The following SDHC variants were observed in gnomAD, a reference collection of about 807,000 sequenced individuals.
SDHC encodes the protein succinate dehydrogenase complex subunit C.
In SDHC, 11 loss-of-function variants were observed where a neutral mutation model predicts 22.6. That is an observed-to-expected ratio of 0.49 (90% CI 0.31 to 0.81). The LOEUF (loss-of-function observed/expected upper bound fraction) is 0.81, where lower values mean the gene tolerates loss of function less well. Among genes scored for constraint, SDHC ranks in the 30% least tolerant of loss-of-function variants. The pLI is 0.05. For missense variants in SDHC, 160 were observed against 212.0 expected, an observed-to-expected ratio of 0.75 and a Z score of 1.52; for synonymous variants, 80 against 77.8, an observed-to-expected ratio of 1.03 and a Z score of -0.15.
intron 1 of SDHC, among the ~76,000 whole-genome samples, chr1:161,317,358 AT>A (rs1670655627): frequency 6.6e-6 from 1 of 151,884 alleles, no homozygotes; most frequent in Non-Finnish European, 1.5e-5. Context: ...AACTTAAAAA[AT>A]TTTTTTATTT....
intron 3 of SDHC, among the ~76,000 whole-genome samples, chr1:161,333,401 C>CT (rs71581410): frequency 0.14 from 18,631 of 130,106 alleles, 1,437 homozygotes; most frequent in African/African-American, 0.15. Context: ...CTATGTTTAA[C>CT]TTTTTTTTTT....
rs1670927628 is a variant in SDHC at position 161,323,656 on chromosome 1, G to A, written c.63G>A (p.Gln21=). The A allele has an allele frequency of 6.2e-7, 1 of 1,611,928 alleles. No individual in the cohort carries two copies. The highest frequency in any genetic ancestry group is 8.5e-7 in the Non-Finnish European group (1 of 1,178,432). The part of the protein sequence containing the change: ...RHCLRAHFSP[Q]LCIRNAVPLG... ...GCCTCCGAGCCCACTTTAGCCCTCA[G>A]CTCTGTATCAGAAAGTAAGTTTCTA... The change falls in exon 2 of 6, where the codon CAG becomes CAA. Residue 21 remains glutamine, a synonymous_variant. Coordinates refer to ENST00000367975, the MANE Select transcript of SDHC (RefSeq NM_003001.5).
intron 4 of SDHC, among the ~76,000 whole-genome samples, chr1:161,342,708 G>A (rs964342331): frequency 6.6e-5 from 10 of 151,906 alleles, no homozygotes; most frequent in African/African-American, 2.4e-4. Flanking sequence ...GTAAAGATGG[G>A]GTTTCTGAAC....
intron 4 of SDHC, among the ~76,000 whole-genome samples, chr1:161,348,804 C>T (rs954625352): frequency 6.6e-6 from 1 of 151,700 alleles, no homozygotes; most frequent in Non-Finnish European, 1.5e-5. Flanking sequence ...CACCAGTGCA[C>T]TCCAGCCTGG....
intron 4 of SDHC, among the ~76,000 whole-genome samples, chr1:161,352,208 T>C (rs12140361): frequency 0.021 from 3,265 of 152,354 alleles, 57 homozygotes; most frequent in Non-Finnish European, 0.034. Context: ...AAATCTCATA[T>C]TTAATTCTCA....
chr1:161,317,102 G>A (rs1198279443), intron 1 of SDHC, among the ~76,000 whole-genome samples: 2 of 147,582 alleles, frequency 1.4e-5, no homozygotes, highest in East Asian at 2.1e-4. Context: ...CACTGCAACC[G>A]CCCCTGCCCG....
intron 1 of SDHC, among the ~76,000 whole-genome samples, chr1:161,321,728 A>G (rs1274294108): frequency 1.3e-5 from 2 of 152,152 alleles, no homozygotes; most frequent in African/African-American, 4.8e-5. Context: ...TACTAATATG[A>G]AGCTTTTGAA....
At chr1:161,324,804 A>G (rs1042981134) in intron 2 of SDHC, among the ~76,000 whole-genome samples, 1 of 152,230 alleles carries the variant, frequency 6.6e-6, no homozygotes, top group East Asian at 1.9e-4. Context: ...GTATAATTAT[A>G]TAAACATAAT....
chr1:161,359,375 G>T (rs928577056), intron 5 of SDHC, among the ~76,000 whole-genome samples: 9 of 152,198 alleles, frequency 5.9e-5, no homozygotes, highest in African/African-American at 2.2e-4. Context: ...TGTATCAACT[G>T]TTCCCTGGGG....
At chr1:161,327,020 G>C (rs1208266883) in intron 2 of SDHC, among the ~76,000 whole-genome samples, 3 of 152,084 alleles carry the variant, frequency 2.0e-5, no homozygotes, top group African/African-American at 7.2e-5. Flanking sequence ...ACCTCCCTGG[G>C]CTCAGAAGAT....
intron 4 of SDHC, among the ~76,000 whole-genome samples, chr1:161,340,937 G>A (rs1671698576): frequency 6.6e-6 from 1 of 152,162 alleles, no homozygotes; most frequent in Non-Finnish European, 1.5e-5. Flanking sequence ...TCCGCCTGCT[G>A]GGTTCCAGCG....
intron 4 of SDHC, among the ~76,000 whole-genome samples, chr1:161,356,078 A>T (rs921631322): frequency 1.3e-5 from 2 of 151,978 alleles, no homozygotes; most frequent in African/African-American, 4.8e-5. Context: ...TTAGATGATG[A>T]ACTAGATGAT....
intron 3 of SDHC, among the ~76,000 whole-genome samples, 190 bp downstream of exon 3, chr1:161,328,687 C>G (rs910206873): frequency 2.0e-5 from 3 of 152,162 alleles, no homozygotes; most frequent in Non-Finnish European, 4.4e-5. Context: ...GTGGAGATGA[C>G]TAAATTCTAT....
intron 4 of SDHC, among the ~76,000 whole-genome samples, chr1:161,342,898 C>T (rs1671770139): frequency 2.0e-5 from 3 of 152,092 alleles, no homozygotes; most frequent in Non-Finnish European, 4.4e-5. Flanking sequence ...ACTGTTTTAC[C>T]TTATGTAAAG....
chr1:161,328,525 T>C (rs754726283), intron 3 of SDHC, 28 bp downstream of exon 3: 1 of 1,498,598 alleles, frequency 6.7e-7, no homozygotes, highest in East Asian at 2.3e-5. Context: ...AGCCAGAGAA[T>C]CTAGAGGTAG....
rs756676111 is a variant in SDHC at position 161,340,628 on chromosome 1, C to T, written c.214C>T (p.Arg72Cys). ...SLPMAMSICH[R>C]GTGIALSAGV... is the part of the protein sequence containing the mutation. ...TCCCATGGCGATGTCCATCTGCCAC[C>T]GTGGCACTGGTATTGCTTTGAGTGC... The change falls in exon 4 of 6, where the codon CGT (arginine) becomes TGT (cysteine). Residue 72 changes from arginine (R) to cysteine (C), a missense_variant. Transcript: ENST00000367975. The T allele has an allele frequency of 6.2e-6, 10 of 1,613,740 alleles. No homozygotes were observed. Among genetic ancestry groups the T allele is most frequent in the South Asian group, 3.3e-5 (3 of 91,082 alleles).
At chr1:161,329,002 G>T (rs1310777297) in intron 3 of SDHC, among the ~76,000 whole-genome samples, 1 of 151,924 alleles carries the variant, frequency 6.6e-6, no homozygotes, top group Non-Finnish European at 1.5e-5. Context: ...CTGCCTCCCG[G>T]GTTCAAGCGA....
chr1:161,324,805 TA>T (rs1428640890), intron 2 of SDHC, among the ~76,000 whole-genome samples: 1 of 152,220 alleles, frequency 6.6e-6, no homozygotes, highest in Non-Finnish European at 1.5e-5. Context: ...TATAATTATA[TA>T]AACATAATTA....
At chr1:161,325,894 G>A (rs1671028934) in intron 2 of SDHC, among the ~76,000 whole-genome samples, 1 of 151,988 alleles carries the variant, frequency 6.6e-6, no homozygotes, top group South Asian at 2.1e-4. Flanking sequence ...CTGTGTATTG[G>A]GTGGGTTTAG....
Sources: gnomAD v4.1 joint callset for allele counts (sites outside exome capture counted in the v4.1 genomes callset) on GRCh38, gnomAD v4.1.1 for gene constraint, MANE v1.5 for transcripts, NCBI Gene and HGNC (gene_info 2026-07-23, HGNC 2026-07-21) for gene names.